Variants in RCAN2 observed in about 807,000 individuals in gnomAD.
RCAN2 encodes calcipressin-2.
Under a neutral mutation model 23.6 loss-of-function variants are expected in RCAN2, and 9 were observed. That is an observed-to-expected ratio of 0.38 (90% CI 0.23 to 0.67). The LOEUF (loss-of-function observed/expected upper bound fraction) is 0.67, where lower values mean the gene tolerates loss of function less well. Among genes scored for constraint, RCAN2 ranks in the 30% least tolerant of loss-of-function variants. The pLI is 0.51. For synonymous variants in RCAN2, 109 were observed against 115.7 expected, an observed-to-expected ratio of 0.94 and a Z score of 0.37; for missense variants, 273 against 302.3, an observed-to-expected ratio of 0.90 and a Z score of 0.72.
chr6:46,258,461 A>G (rs1403285634), intron 2 of RCAN2, among the ~76,000 whole-genome samples: 1 of 152,250 alleles, frequency 6.6e-6, no homozygotes, highest in Non-Finnish European at 1.5e-5. Context: ...TTCACTAACA[A>G]GAGAAGCAGA....
At position 46,383,741 on chromosome 6, in the gene RCAN2, G is replaced by C. The variant is rs186393298; in HGVS notation, c.225+73011C>G. On this transcript the variant is annotated intron_variant, in intron 2 of 4. Transcript: ENST00000371374. ...ATGTGGCTACTGGCCAATCTTACCG[G>C]ATGGCAAAGATATAGAACATTTTAA... Among the ~76,000 whole-genome samples, 470 of 152,290 alleles carry C rather than the reference G, an allele frequency of 3.1e-3. 2 individuals are homozygous for C. The highest frequency in any genetic ancestry group is 0.01 in the African/African-American group (434 of 41,556).
chr6:46,446,166 A>G (rs569766576), intron 2 of RCAN2, among the ~76,000 whole-genome samples: 64 of 139,776 alleles, frequency 4.6e-4, no homozygotes, highest in Non-Finnish European at 8.8e-4. Flanking sequence ...AAAAGCAAGA[A>G]AAAAAAAAAA....
At chr6:46,413,195 G>T (rs1404357220) in intron 2 of RCAN2, among the ~76,000 whole-genome samples, 1 of 152,196 alleles carries the variant, frequency 6.6e-6, no homozygotes, top group African/African-American at 2.4e-5. Flanking sequence ...CAACTAAGGA[G>T]GAGAGGGGCA....
At chr6:46,244,121 G>A (rs1482089107) in intron 4 of RCAN2, among the ~76,000 whole-genome samples, 1 of 152,114 alleles carries the variant, frequency 6.6e-6, no homozygotes, top group Non-Finnish European at 1.5e-5. Context: ...TACAAAGCAG[G>A]GCCCTTCAAA....
At chr6:46,372,592 C>G (rs146326645) in intron 2 of RCAN2, among the ~76,000 whole-genome samples, 2 of 152,330 alleles carry the variant, frequency 1.3e-5, no homozygotes, top group African/African-American at 4.8e-5. Context: ...TAGGCAATAT[C>G]TCTAGGTGAC....
At chr6:46,303,782 C>T (rs1762983543) in intron 2 of RCAN2, among the ~76,000 whole-genome samples, 1 of 152,046 alleles carries the variant, frequency 6.6e-6, no homozygotes, top group Non-Finnish European at 1.5e-5. Flanking sequence ...TTTTACTCTA[C>T]ATTTTGAGAG....
At chr6:46,388,253 AAAT>A (rs574565168) in intron 2 of RCAN2, among the ~76,000 whole-genome samples, 20 of 151,500 alleles carry the variant, frequency 1.3e-4, no homozygotes, top group Non-Finnish European at 1.9e-4. Context: ...GAAGTATAAT[AAAT>A]AATAATAATA....
intron 4 of RCAN2, among the ~76,000 whole-genome samples, chr6:46,231,573 C>A (rs1582008893): frequency 6.6e-6 from 1 of 152,180 alleles, no homozygotes; most frequent in East Asian, 1.9e-4. Context: ...CCGTGCCTGG[C>A]TAATTTTTGT....
intron 2 of RCAN2, among the ~76,000 whole-genome samples, chr6:46,252,721 A>C (rs1245619768): frequency 1.3e-5 from 2 of 152,198 alleles, no homozygotes; most frequent in Non-Finnish European, 2.9e-5. Context: ...ACATTTTTGC[A>C]AACCTATTTA....
intron 2 of RCAN2, among the ~76,000 whole-genome samples, chr6:46,263,521 A>G (rs1982239): frequency 0.035 from 3,619 of 104,548 alleles, 70 homozygotes; most frequent in Middle Eastern, 0.076. Flanking sequence ...GTATGTGTGT[A>G]TGTGTGTGTG....
intron 1 of RCAN2, among the ~76,000 whole-genome samples, chr6:46,481,094 G>A (rs1768847295): frequency 6.6e-6 from 1 of 152,202 alleles, no homozygotes; most frequent in Non-Finnish European, 1.5e-5. Context: ...AGTGATGAGT[G>A]TAGCAGGGGC....
chr6:46,324,186 C>T lies in RCAN2; in HGVS notation c.226-75290G>A, dbSNP rs139057191. ...CAATGCAATCACAGACAGTGCCAAA[C>T]CTTTATGTCCTTATTTTCTGAACCT... On this transcript the variant is annotated intron_variant, in intron 2 of 4. Transcript: ENST00000371374. Among the ~76,000 whole-genome samples, 26 of 152,344 alleles carry T rather than the reference C, an allele frequency of 1.7e-4. 1 individual carries two copies. The East Asian group carries it at 5.0e-3, about 29-fold the overall frequency.
At chr6:46,489,308 G>A (rs1769075163) in intron 1 of RCAN2, among the ~76,000 whole-genome samples, 1 of 152,186 alleles carries the variant, frequency 6.6e-6, no homozygotes, top group African/African-American at 2.4e-5. Context: ...CACTCATGAT[G>A]TTGAATCATT....
Position 46,444,910 on chromosome 6 carries a change from C to T in RCAN2, c.225+11842G>A, listed in dbSNP as rs1582207182. 3.9e-5 allele frequency among the ~76,000 whole-genome samples: 6 copies of T among 152,260 alleles called. No homozygotes were observed. In the South Asian group the frequency reaches 1.2e-3, roughly 32 times the overall value. ...GGCCAACAGCTGCATATCCGGCCCC[C>T]AGGCTCCACACTTGTCCCAGGTTCC... On this transcript the variant is annotated intron_variant, in intron 2 of 4. Transcript: ENST00000371374.
chr6:46,244,779 G>T lies in RCAN2; in HGVS notation c.571+1969C>A, dbSNP rs556592679. Among the ~76,000 whole-genome samples, 13 of 152,322 alleles carry T rather than the reference G, an allele frequency of 8.5e-5. No individual in the cohort carries two copies. The South Asian group carries it at 2.7e-3, about 32-fold the overall frequency. On this transcript the variant is annotated intron_variant, in intron 4 of 4. Transcript: ENST00000371374. The stretch of plus-strand genomic sequence containing the variant: ...TGTAAAATCCAGGTCAGACTCCTAG[G>T]TCCTCTAGCCAAGACCTTAGTGATT...
At chr6:46,302,916 A>G (rs1582083934) in intron 2 of RCAN2, among the ~76,000 whole-genome samples, 1 of 152,080 alleles carries the variant, frequency 6.6e-6, no homozygotes, top group Admixed American at 6.6e-5. Context: ...TCACATAGAC[A>G]GTAAGTATTA....
chr6:46,352,397 T>C (rs1040182071), intron 2 of RCAN2, among the ~76,000 whole-genome samples: 1 of 152,126 alleles, frequency 6.6e-6, no homozygotes, highest in Non-Finnish European at 1.5e-5. Context: ...TTTCCCTCCA[T>C]CCCACCCCGT....
chr6:46,360,533 CAAAAAA>C (rs765916099), intron 2 of RCAN2, among the ~76,000 whole-genome samples: 12 of 33,492 alleles, frequency 3.6e-4, no homozygotes, highest in Admixed American at 9.6e-4. Flanking sequence ...GACTCCGTCT[CAAAAAA>C]AAAAAAAAAA....
intron 2 of RCAN2, among the ~76,000 whole-genome samples, chr6:46,401,089 G>A (rs966445079): frequency 1.3e-5 from 2 of 152,170 alleles, no homozygotes; most frequent in African/African-American, 2.4e-5. Flanking sequence ...GTACAGCCAC[G>A]TTCCCAGGAG....
Sources: gnomAD v4.1 joint callset for allele counts (sites outside exome capture counted in the v4.1 genomes callset) on GRCh38, gnomAD v4.1.1 for gene constraint, MANE v1.5 for transcripts, NCBI Gene and HGNC (gene_info 2026-07-23, HGNC 2026-07-21) for gene names.